Variants in ATP8B2 observed in about 807,000 individuals in gnomAD.
ATP8B2 encodes the protein ATPase phospholipid transporting 8B2.
Under a neutral mutation model 133.4 loss-of-function variants are expected in ATP8B2, and 70 were observed. The observed-to-expected ratio is 0.52, with a 90% confidence interval of 0.43 to 0.64. ATP8B2 has a LOEUF of 0.64. Ranked by LOEUF, ATP8B2 falls within the 30% of genes least tolerant of loss-of-function variation. The pLI is 0.00. For synonymous variants in ATP8B2, 517 were observed against 589.5 expected (o/e 0.88, Z 1.78); for missense variants, 1,101 against 1,535.7 (o/e 0.72, Z 4.73).
At position 154,345,201 on chromosome 1, in the gene ATP8B2, A is replaced by G. The variant is rs1570870674; in HGVS notation, c.2470+47A>G. The G allele has an allele frequency of 1.2e-6, 2 of 1,601,974 alleles. No individual in the cohort carries two copies. Among genetic ancestry groups the G allele is most frequent in the Non-Finnish European group, 1.7e-6 (2 of 1,172,074 alleles). ...GTGTAGGCTGGGCTTGAGGCTGGGG[A>G]GGGGCCCACTGAGGTCTCTGGACTG... On this transcript the variant is annotated intron_variant, in intron 22 of 27. Transcript: ENST00000368489. This position sits in a 1 kb window ranked among gnomAD's most constrained non-coding sequence, Gnocchi z 5.6.
rs1287804988 is a variant in ATP8B2 at position 154,348,390 on chromosome 1, ACTC to A, written c.3164-14_3164-12del. The A allele has an allele frequency of 6.3e-7, 1 of 1,590,696 alleles. No homozygotes were observed. Among genetic ancestry groups the A allele is most frequent in the Non-Finnish European group, 8.6e-7 (1 of 1,162,348 alleles). On this transcript the variant is annotated splice_polypyrimidine_tract_variant and intron_variant, in intron 26 of 27. Coordinates refer to ENST00000368489, the MANE Select transcript of ATP8B2 (RefSeq NM_001370597.1). ...TGCCTCGTGACTCCCAAGGCCACTG[ACTC>A]CTCTTCATCCCCAGGGAATGCCCAG...
At chr1:154,327,553 A>G (rs1275661770) in intron 1 of ATP8B2, among the ~76,000 whole-genome samples, 1 of 152,108 alleles carries the variant, frequency 6.6e-6, no homozygotes, top group Non-Finnish European at 1.5e-5. Context: ...AGTGAGGGCC[A>G]TGCCTCTAAT....
chr1:154,347,543 A>C (rs1057435978), intron 26 of ATP8B2, among the ~76,000 whole-genome samples: 2 of 152,120 alleles, frequency 1.3e-5, no homozygotes, highest in African/African-American at 4.8e-5. Context: ...TGTAGGGGGC[A>C]AGGGTGGAAA....
Position 154,345,297 on chromosome 1 carries a change from C to T in ATP8B2, c.2471-25C>T. ...TGTGTGGCCGGTGGCCATCTTCACC[C>T]TCTTGTCATCTCTTGTCTCTGCAGC... is the stretch of plus-strand genomic sequence containing the variant. On this transcript the variant is annotated intron_variant, in intron 22 of 27. Transcript: ENST00000368489. This position sits in a 1 kb window ranked among gnomAD's most constrained non-coding sequence, Gnocchi z 5.6. 1 of 1,612,648 alleles carries T rather than the reference C, an allele frequency of 6.2e-7. No homozygotes were observed. The highest frequency in any genetic ancestry group is 8.5e-7 in the Non-Finnish European group (1 of 1,179,340).
At chr1:154,337,300 A>G (rs1460399596) in intron 11 of ATP8B2, 48 bp from the exon 12 acceptor site, 3 of 1,570,356 alleles carry the variant, frequency 1.9e-6, no homozygotes, top group Non-Finnish European at 1.7e-6. Flanking sequence ...CTTGGTTTTG[A>G]GGGCTTCCTA....
Position 154,340,797 on chromosome 1 carries a change from G to C in ATP8B2, c.1035-57G>C. The C allele has an allele frequency of 6.5e-7, 1 of 1,544,522 alleles. No homozygotes were observed. Reference sequence around the variant, plus strand: ...GAGGGCCTGCAGCGAAGGCCCATGTGGGTGGGGCACCTCCTCTTCTTCCCG... The same window carrying C: ...GAGGGCCTGCAGCGAAGGCCCATGTCGGTGGGGCACCTCCTCTTCTTCCCG... On this transcript the variant is annotated intron_variant, in intron 12 of 27. Transcript: ENST00000368489. This position sits in a 1 kb window ranked among gnomAD's most constrained non-coding sequence, Gnocchi z 4.0.
In ATP8B2 at chr1:154,343,027, C is replaced by T. The variant is rs1350869589; in HGVS notation, c.1453+66C>T. 3.8e-6 allele frequency: 6 copies of T among 1,599,072 alleles called. No individual in the cohort carries two copies. The East Asian group carries it at 1.3e-4, about 36-fold the overall frequency. On this transcript the variant is annotated intron_variant, in intron 15 of 27. Coordinates refer to ENST00000368489, the MANE Select transcript of ATP8B2 (RefSeq NM_001370597.1). This position sits in a 1 kb window ranked among gnomAD's most constrained non-coding sequence, Gnocchi z 5.8. ...TGCCCTTGGGCTCTGCTCTGCTCTG[C>T]AATGCGGCTGGGCTGGGGCTTCCTG...
intron 11 of ATP8B2, 107 bp from the exon 12 acceptor site, chr1:154,337,241 G>A: frequency 7.5e-7 from 1 of 1,325,960 alleles, no homozygotes; most frequent in South Asian, 1.4e-5. Context: ...GCTTGCACTA[G>A]AGCATCTGAG....
At position 154,331,913 on chromosome 1, in the gene ATP8B2, A is replaced by G; in HGVS notation, c.439-41A>G. The G allele has an allele frequency of 6.3e-7, 1 of 1,576,536 alleles. No individual in the cohort carries two copies. The highest frequency in any genetic ancestry group is 8.7e-7 in the Non-Finnish European group (1 of 1,145,944). ...CACCATTACAGCCCACTGGGGGTGG[A>G]GGTTTGCATATTTGGACTTCTCATT... On this transcript the variant is annotated intron_variant, in intron 7 of 27. Transcript: ENST00000368489. This position sits in a 1 kb window ranked among gnomAD's most constrained non-coding sequence, Gnocchi z 4.8.
chr1:154,340,582 C>T lies in ATP8B2; in HGVS notation c.1035-272C>T, dbSNP rs1173842430. ...GAGTGCCTTGTCTACAGCCCCTTTT[C>T]CTCCTTTGCTGTCTGTCCTGCCCAC... On this transcript the variant is annotated intron_variant, in intron 12 of 27. Transcript: ENST00000368489. This position sits in a 1 kb window ranked among gnomAD's most constrained non-coding sequence, Gnocchi z 4.0. The T allele has an allele frequency of 1.4e-5, 7 of 497,374 alleles. No individual in the cohort carries two copies. The highest frequency in any genetic ancestry group is 1.1e-5 in the Non-Finnish European group (3 of 266,670). 30.8% of individuals were successfully genotyped at this position (497,374 alleles called of 1,614,324 possible).
At chr1:154,338,037 C>T (rs1686250763) in intron 12 of ATP8B2, among the ~76,000 whole-genome samples, 1 of 152,202 alleles carries the variant, frequency 6.6e-6, no homozygotes, top group African/African-American at 2.4e-5. Flanking sequence ...GAGGGGAGAT[C>T]TGGACAGTGT....
At position 154,348,760 on chromosome 1, in the gene ATP8B2, G is replaced by A. The variant is rs80098983; in HGVS notation, c.3295-80G>A. The A allele has an allele frequency of 3.0e-5, 43 of 1,457,100 alleles. No individual in the cohort carries two copies. In the Admixed American group the frequency reaches 4.1e-4, roughly 14 times the overall value. The allele number at this position is 1,457,100 out of a possible 1,614,324, so 90.3% of individuals were successfully genotyped here. On this transcript the variant is annotated intron_variant, in intron 27 of 27. Transcript: ENST00000368489. The stretch of plus-strand genomic sequence containing the variant: ...GAGGCCTCTGTGTCAGCCTGGTCCC[G>A]GGTGCTGTGGGTCCCTTCTCCTTGG...
rs537135230 is a variant in ATP8B2, at chr1:154,349,579, C to T, written c.*461C>T. On this transcript the variant is annotated 3_prime_UTR_variant, in exon 28 of 28. Transcript: ENST00000368489. ...CTGCAGGGGCCTCGGCCCCTCACAT[C>T]GTGTATGTCTCTCCTTGATTTGTGT... The T allele has an allele frequency of 9.7e-5, 16 of 165,256 alleles. No individual in the cohort carries two copies. Among genetic ancestry groups the T allele is most frequent in the African/African-American group, 3.3e-4 (14 of 41,968 alleles). 10.2% of individuals were successfully genotyped at this position (165,256 alleles called of 1,614,324 possible). A position where few individuals can be genotyped will look rare whatever the true frequency, so the allele number is the denominator to read the frequency against.
intron 12 of ATP8B2, among the ~76,000 whole-genome samples, chr1:154,339,659 TAAGAGGGGGTTG>T (rs1364189793): frequency 6.6e-6 from 1 of 152,008 alleles, no homozygotes; most frequent in African/African-American, 2.4e-5. Flanking sequence ...TTCGGGAGGC[TAAGAGGGGGTTG>T]AAGAGCTGTG....
Position 154,334,479 on chromosome 1 carries a change from C to T in ATP8B2, c.749-24C>T. The T allele has an allele frequency of 6.2e-7, 1 of 1,612,710 alleles. No homozygotes were observed. Among genetic ancestry groups the T allele is most frequent in the Middle Eastern group, 1.7e-4 (1 of 6,056 alleles). On this transcript the variant is annotated intron_variant, in intron 10 of 27. Coordinates refer to ENST00000368489, the MANE Select transcript of ATP8B2 (RefSeq NM_001370597.1). This position sits in a 1 kb window ranked among gnomAD's most constrained non-coding sequence, Gnocchi z 4.6. ...GAGGCAGATGTGTTATTTGGCTTTC[C>T]CAGCCCTTCCCATTCTTTTCCAGGT... is the stretch of plus-strand genomic sequence containing the variant.
chr1:154,336,007 A>C (rs1686167712), intron 11 of ATP8B2, among the ~76,000 whole-genome samples: 2 of 146,054 alleles, frequency 1.4e-5, no homozygotes, highest in African/African-American at 5.1e-5. Flanking sequence ...GCGCCACTGC[A>C]CTCCAGCCTG....
In ATP8B2 at chr1:154,331,566, A is replaced by C; in HGVS notation, c.366-40A>C. 6.2e-7 allele frequency: 1 copy of C among 1,613,568 alleles called. No homozygotes were observed. The highest frequency in any genetic ancestry group is 8.5e-7 in the Non-Finnish European group (1 of 1,179,454). ...AAGGGGGTCCCTTAGGAACCTCTTT[A>C]GCTCCTGACAGCCTCTTCACTGTCT... On this transcript the variant is annotated intron_variant, in intron 6 of 27. Coordinates refer to ENST00000368489, the MANE Select transcript of ATP8B2 (RefSeq NM_001370597.1). The surrounding 1 kb of genome is among the most constrained non-coding windows in gnomAD (Gnocchi z 4.8).
rs1686501904 is a variant in ATP8B2, at chr1:154,344,267, C to T, written c.2035+13C>T. On this transcript the variant is annotated intron_variant, in intron 19 of 27. Transcript: ENST00000368489. The surrounding 1 kb of genome is among the most constrained non-coding windows in gnomAD (Gnocchi z 4.1). The stretch of plus-strand genomic sequence containing the variant: ...GGAGACAAGCAAGGTGAGAGCCCAG[C>T]AGGGCAGAGCCAGTTGCAACTGACA... 1 of 1,614,162 alleles carries T rather than the reference C, an allele frequency of 6.2e-7. No individual in the cohort carries two copies. The highest frequency in any genetic ancestry group is 1.1e-5 in the South Asian group (1 of 91,082).
chr1:154,347,897 C>T (rs1293931132), intron 26 of ATP8B2, among the ~76,000 whole-genome samples: 5 of 146,282 alleles, frequency 3.4e-5, no homozygotes, highest in East Asian at 2.0e-4. Flanking sequence ...GCCGAGATCG[C>T]GCCATTGCAC....
Sources: allele counts gnomAD v4.1 joint callset (sites outside exome capture counted in the v4.1 genomes callset), GRCh38; gene constraint gnomAD v4.1.1; non-coding constraint Gnocchi (gnomAD v3.1); transcripts MANE v1.5; gene names NCBI Gene and HGNC (gene_info 2026-07-23, HGNC 2026-07-21).